The following ADGRL4 variants were observed in gnomAD, a reference collection of about 807,000 sequenced individuals.
ADGRL4 encodes EGF, latrophilin and seven transmembrane domain containing 1.
In ADGRL4, 90 loss-of-function variants were observed where a neutral mutation model predicts 74.8. That is an observed-to-expected ratio of 1.20 (90% CI 1.02 to 1.43). ADGRL4 has a LOEUF of 1.43. ADGRL4 is among the 40% of genes most tolerant of loss of function. The pLI is 0.00. For missense variants in ADGRL4, 881 were observed against 814.3 expected (o/e 1.08, Z -1.00); for synonymous variants, 311 against 279.2 (o/e 1.11, Z -1.14).
rs1259718683 is a variant in ADGRL4 at position 78,926,895 on chromosome 1, A to G, written c.1074T>C (p.Ser358=). 6.2e-7 allele frequency: 1 copy of G among 1,610,474 alleles called. No individual in the cohort carries two copies. Among genetic ancestry groups the G allele is most frequent in the Non-Finnish European group, 8.5e-7 (1 of 1,177,606 alleles). Residue 358 remains serine, a synonymous_variant, in exon 8 of 15, where the codon AGT becomes AGC. Coordinates refer to ENST00000370742, the MANE Select transcript of ADGRL4 (RefSeq NM_022159.4). ...CAGAAAAACAGCTTACCTTTCGATG[A>G]CTTAATGTAAATGTTATTTTTTCAA... ...YELEKITFTL[S]HRKVTDRYRS... is the part of the protein sequence containing the mutation.
intron 2 of ADGRL4, among the ~76,000 whole-genome samples, chr1:78,981,347 T>G (rs1650394732): frequency 6.6e-6 from 1 of 152,012 alleles, no homozygotes; most frequent in South Asian, 2.1e-4. Flanking sequence ...AAATATTGTT[T>G]GTTAGGAAAC....
At chr1:78,991,763 T>C (rs1650611772) in intron 2 of ADGRL4, among the ~76,000 whole-genome samples, 1 of 151,986 alleles carries the variant, frequency 6.6e-6, no homozygotes, top group Non-Finnish European at 1.5e-5. Context: ...TGCTATTCAA[T>C]AGAAGGAGAT....
intron 8 of ADGRL4, among the ~76,000 whole-genome samples, chr1:78,925,783 A>G (rs532462807): frequency 6.6e-6 from 1 of 152,212 alleles, no homozygotes; most frequent in Admixed American, 6.6e-5. Flanking sequence ...TTATCAAACA[A>G]GGATTGGTGA....
In ADGRL4 at chr1:78,920,269, T is replaced by A. The variant is rs751141339; in HGVS notation, c.1375A>T (p.Arg459Trp). The change falls in exon 10 of 15, where the codon AGG becomes TGG. Residue 459 changes from arginine (R) to tryptophan (W), a missense_variant. Arg to Trp is a moderately radical substitution (Grantham distance 101). Transcript: ENST00000370742. The stretch of plus-strand genomic sequence containing the variant: ...CAAAGATTTTTGTGAATTGTTGTCC[T>A]GGTGCTTTGAATTTCACTGAAGAAC... ...FWFFSEIQST[R>W]TTIHKNLCCS... 1.1e-5 allele frequency: 17 copies of A among 1,612,162 alleles called. No homozygotes were observed. The highest frequency in any genetic ancestry group is 1.4e-5 in the Non-Finnish European group (17 of 1,178,838).
intron 2 of ADGRL4, among the ~76,000 whole-genome samples, chr1:79,000,616 T>C (rs1372554763): frequency 6.6e-6 from 1 of 152,210 alleles, no homozygotes; most frequent in Non-Finnish European, 1.5e-5. Context: ...CTAATTATTG[T>C]GGTAGCTATC....
At chr1:78,951,054 C>T (rs1649712611) in intron 2 of ADGRL4, among the ~76,000 whole-genome samples, 1 of 152,094 alleles carries the variant, frequency 6.6e-6, no homozygotes, top group African/African-American at 2.4e-5. Context: ...GAGCATGAGT[C>T]AGATTCAAGA....
At chr1:78,932,480 T>C (rs535968415) in intron 7 of ADGRL4, among the ~76,000 whole-genome samples, 15 of 150,814 alleles carry the variant, frequency 9.9e-5, no homozygotes, top group East Asian at 9.7e-4. Flanking sequence ...TAGAAAAATC[T>C]CAAATCAATA....
At chr1:78,941,902 A>T (rs1329094661) in intron 3 of ADGRL4, among the ~76,000 whole-genome samples, 1 of 152,114 alleles carries the variant, frequency 6.6e-6, no homozygotes, top group East Asian at 1.9e-4. Context: ...GTAATATCTT[A>T]AAAAGACACC....
intron 3 of ADGRL4, among the ~76,000 whole-genome samples, chr1:78,940,732 T>C (rs538757663): frequency 6.6e-6 from 1 of 152,308 alleles, no homozygotes; most frequent in Non-Finnish European, 1.5e-5. Flanking sequence ...CATAATACTG[T>C]TTGCTGTAGA....
chr1:78,981,045 A>C (rs139391317), intron 2 of ADGRL4, among the ~76,000 whole-genome samples: 1 of 151,918 alleles, frequency 6.6e-6, no homozygotes, highest in African/African-American at 2.4e-5. Flanking sequence ...AAGGTTAAAC[A>C]GGCATTTTCA....
intron 2 of ADGRL4, among the ~76,000 whole-genome samples, chr1:78,977,920 C>A (rs1650320452): frequency 1.3e-5 from 2 of 151,714 alleles, no homozygotes; most frequent in African/African-American, 4.8e-5. Context: ...GGCCAGTAGA[C>A]CAGAAAAGAC....
intron 12 of ADGRL4, among the ~76,000 whole-genome samples, chr1:78,915,317 TA>T (rs769248994): frequency 3.6e-4 from 54 of 151,968 alleles, no homozygotes; most frequent in Admixed American, 1.3e-3. Flanking sequence ...CAAACTCTCA[TA>T]AAAAATGCTC....
chr1:78,941,926 G>A (rs1439841107), intron 3 of ADGRL4, among the ~76,000 whole-genome samples: 6 of 152,206 alleles, frequency 3.9e-5, no homozygotes, highest in South Asian at 4.1e-4. Flanking sequence ...TAGGCCCGGC[G>A]CAGTGGCTTT....
At chr1:78,986,865 CT>C (rs1650508988) in intron 2 of ADGRL4, among the ~76,000 whole-genome samples, 1 of 151,642 alleles carries the variant, frequency 6.6e-6, no homozygotes, top group African/African-American at 2.4e-5. Flanking sequence ...AAAAATGTAT[CT>C]TGGATAAAAG....
chr1:78,995,945 A>G (rs1392805608), intron 2 of ADGRL4, among the ~76,000 whole-genome samples: 1 of 152,216 alleles, frequency 6.6e-6, no homozygotes, highest in Non-Finnish European at 1.5e-5. Context: ...TTCAATTTGT[A>G]ACGATGGGTT....
At chr1:78,972,822 C>T (rs942908800) in intron 2 of ADGRL4, among the ~76,000 whole-genome samples, 3 of 152,168 alleles carry the variant, frequency 2.0e-5, no homozygotes. Flanking sequence ...CACCAAATGT[C>T]TTTTGTATCA....
chr1:78,945,177 A>AAAAAT (rs376405445), intron 3 of ADGRL4, among the ~76,000 whole-genome samples: 71 of 127,910 alleles, frequency 5.6e-4, no homozygotes, highest in Admixed American at 2.3e-3. Context: ...AAAAAAAAAA[A>AAAAAT]ATATATATAT....
intron 2 of ADGRL4, among the ~76,000 whole-genome samples, chr1:78,948,538 C>T (rs1405788002): frequency 6.6e-6 from 1 of 151,998 alleles, no homozygotes; most frequent in African/African-American, 2.4e-5. Flanking sequence ...AGAAAAATTG[C>T]TGAAATATGA....
intron 12 of ADGRL4, among the ~76,000 whole-genome samples, chr1:78,894,880 T>C (rs1648361930): frequency 6.6e-6 from 1 of 151,998 alleles, no homozygotes; most frequent in East Asian, 1.9e-4. Flanking sequence ...TTAAGTTTCT[T>C]AAACTTCTGT....
Sources: gnomAD v4.1 joint callset for allele counts (sites outside exome capture counted in the v4.1 genomes callset) on GRCh38, gnomAD v4.1.1 for gene constraint, MANE v1.5 for transcripts, NCBI Gene and HGNC (gene_info 2026-07-23, HGNC 2026-07-21) for gene names.